TAS2R1: variants seen among roughly 807,000 people sequenced by gnomAD.
TAS2R1 encodes taste receptor type 2 member 1.
For missense variants in TAS2R1, 370 were observed against 353.4 expected (o/e 1.05, Z -0.38); for synonymous variants, 141 against 134.2 (o/e 1.05, Z -0.35).
the TAS2R1 span, among the ~76,000 whole-genome samples, chr5:9,836,568 C>A: frequency 6.6e-6 from 1 of 152,126 alleles, no homozygotes; most frequent in African/African-American, 2.4e-5. Context: ...TCGCCCCAGG[C>A]AGGAGCCACT....
At chr5:9,732,467 A>G in the TAS2R1 span, among the ~76,000 whole-genome samples, 45 of 152,246 alleles carry the variant, frequency 3.0e-4, no homozygotes, top group African/African-American at 1.0e-3. Flanking sequence ...AGGATTGCAC[A>G]GAGGGTGGCT....
At chr5:9,798,946 T>C in the TAS2R1 span, among the ~76,000 whole-genome samples, 1 of 152,328 alleles carries the variant, frequency 6.6e-6, no homozygotes, top group African/African-American at 2.4e-5. Context: ...GGACACTGAC[T>C]ACCTCTCAGG....
chr5:9,744,788 G>T, the TAS2R1 span, among the ~76,000 whole-genome samples: 1 of 152,068 alleles, frequency 6.6e-6, no homozygotes, highest in African/African-American at 2.4e-5. Flanking sequence ...CCTAGAAAAT[G>T]TTTATCATAT....
the TAS2R1 span, among the ~76,000 whole-genome samples, chr5:9,794,865 C>T: frequency 6.6e-6 from 1 of 152,126 alleles, no homozygotes; most frequent in Non-Finnish European, 1.5e-5. Context: ...GGTAGAATGT[C>T]AAACTTGAAT....
the TAS2R1 span, among the ~76,000 whole-genome samples, chr5:9,833,653 C>G: frequency 0.06 from 9,134 of 152,122 alleles, 649 homozygotes; most frequent in East Asian, 0.23. Context: ...AAGAAAAATA[C>G]TTGTGTGGTA....
At chr5:9,793,256 A>G in the TAS2R1 span, among the ~76,000 whole-genome samples, 1 of 152,230 alleles carries the variant, frequency 6.6e-6, no homozygotes, top group Admixed American at 6.5e-5. Flanking sequence ...AATGATGCAG[A>G]CATATTGTAT....
intron 1 of TAS2R1, among the ~76,000 whole-genome samples, chr5:9,707,489 C>T (rs1459647740): frequency 6.6e-6 from 1 of 152,186 alleles, no homozygotes; most frequent in East Asian, 1.9e-4. Flanking sequence ...TCAAGACCAG[C>T]CTGGCCAACA....
intron 1 of TAS2R1, among the ~76,000 whole-genome samples, chr5:9,666,760 T>C (rs1740641800): frequency 1.3e-5 from 2 of 152,066 alleles, no homozygotes; most frequent in South Asian, 4.1e-4. Context: ...GTAACATCAG[T>C]TACAACAACA....
At chr5:9,845,689 A>G in the TAS2R1 span, among the ~76,000 whole-genome samples, 1 of 152,244 alleles carries the variant, frequency 6.6e-6, no homozygotes, top group Non-Finnish European at 1.5e-5. Flanking sequence ...CCGTAATACA[A>G]TGAGTCTATT....
chr5:9,714,554 G>T (rs1484423759), upstream of TAS2R1, among the ~76,000 whole-genome samples: 1 of 152,168 alleles, frequency 6.6e-6, no homozygotes, highest in Non-Finnish European at 1.5e-5. Flanking sequence ...TGTAAAGGAG[G>T]TCCATAAAAT....
chr5:9,659,844 G>A (rs1740495023), intron 1 of TAS2R1: 1 of 151,944 alleles, frequency 6.6e-6, no homozygotes, highest in Admixed American at 6.6e-5. Context: ...GGAAAGTGAT[G>A]GTGGGGAAAT....
the TAS2R1 span, among the ~76,000 whole-genome samples, chr5:9,793,010 G>T: frequency 6.6e-6 from 1 of 152,154 alleles, no homozygotes; most frequent in East Asian, 1.9e-4. Context: ...TATAAAAGAT[G>T]CATTTTCTTA....
the TAS2R1 span, among the ~76,000 whole-genome samples, chr5:9,830,605 G>GCGCACACACA: frequency 1.3e-4 from 19 of 149,814 alleles, no homozygotes; most frequent in East Asian, 9.9e-4. Flanking sequence ...ACGTGCGCGC[G>GCGCACACACA]CACACACACA....
chr5:9,784,684 G>A, the TAS2R1 span, among the ~76,000 whole-genome samples: 5 of 152,300 alleles, frequency 3.3e-5, no homozygotes, highest in South Asian at 4.1e-4. Flanking sequence ...GCAGGGCCCC[G>A]CTCCCTCAGA....
At chr5:9,836,898 G>A in the TAS2R1 span, among the ~76,000 whole-genome samples, 22 of 152,258 alleles carry the variant, frequency 1.4e-4, 1 homozygote, top group African/African-American at 4.8e-4. Flanking sequence ...AATGATGTTC[G>A]ACTAAGGAGC....
chr5:9,840,249 C>G, the TAS2R1 span, among the ~76,000 whole-genome samples: 2 of 152,162 alleles, frequency 1.3e-5, no homozygotes, highest in East Asian at 3.8e-4. Context: ...CAGGGTAGCT[C>G]TGAGCCTCAA....
At chr5:9,763,064 A>T in the TAS2R1 span, among the ~76,000 whole-genome samples, 1 of 152,250 alleles carries the variant, frequency 6.6e-6, no homozygotes, top group South Asian at 2.1e-4. Flanking sequence ...AAGGACAAGC[A>T]TAAATTAACT....
At chr5:9,643,866 G>C (rs1013808174) in intron 2 of TAS2R1, among the ~76,000 whole-genome samples, 3 of 152,138 alleles carry the variant, frequency 2.0e-5, no homozygotes, top group Admixed American at 6.5e-5. Context: ...AGAAAGTGTG[G>C]TCAGGAAAGC....
the TAS2R1 span, among the ~76,000 whole-genome samples, chr5:9,792,957 G>A: frequency 6.6e-6 from 1 of 152,076 alleles, no homozygotes; most frequent in East Asian, 1.9e-4. Flanking sequence ...AAGCAAAAAT[G>A]CCAACATCTC....
Sources: allele counts gnomAD v4.1 joint callset (sites outside exome capture counted in the v4.1 genomes callset), GRCh38; gene constraint gnomAD v4.1.1; transcripts MANE v1.5; gene names NCBI Gene and HGNC (gene_info 2026-07-23, HGNC 2026-07-21).